Variants in LDB2 observed in about 807,000 individuals in gnomAD.
LDB2 encodes LIM domain binding 2, also known as LIM domain-binding protein 2.
A neutral mutation model predicts 44.3 loss-of-function variants in LDB2; 12 were observed. The observed-to-expected ratio is 0.27, with a 90% CI of 0.17 to 0.44. The LOEUF is 0.44. Ranked by LOEUF, LDB2 falls within the 20% of genes least tolerant of loss-of-function variation. LDB2 has a pLI of 1.00. For synonymous variants in LDB2, 164 were observed against 174.8 expected, an observed-to-expected ratio of 0.94 and a Z score of 0.49; for missense variants, 344 against 473.5, an observed-to-expected ratio of 0.73 and a Z score of 2.54.
At chr4:16,891,052 G>T (rs1247718903) in intron 1 of LDB2, among the ~76,000 whole-genome samples, 5 of 151,914 alleles carry the variant, frequency 3.3e-5, no homozygotes, top group African/African-American at 1.2e-4. Flanking sequence ...TACCCAATTT[G>T]AATTGTAATT....
At chr4:16,759,577 G>A (rs1767433671) in intron 1 of LDB2, among the ~76,000 whole-genome samples, 1 of 152,186 alleles carries the variant, frequency 6.6e-6, no homozygotes, top group Non-Finnish European at 1.5e-5. Context: ...TGCATTTAAT[G>A]TAAAATACAC....
chr4:16,873,995 T>C (rs1022545911), intron 1 of LDB2, among the ~76,000 whole-genome samples: 10 of 152,172 alleles, frequency 6.6e-5, no homozygotes, highest in African/African-American at 2.2e-4. Context: ...CCAAATTTCA[T>C]CCTTTTATGG....
At chr4:16,796,610 T>C (rs1371478383) in intron 1 of LDB2, among the ~76,000 whole-genome samples, 1 of 152,104 alleles carries the variant, frequency 6.6e-6, no homozygotes, top group African/African-American at 2.4e-5. Context: ...CCCCTTAAGC[T>C]TGGGCTTGGG....
In LDB2 at chr4:16,502,958, T is replaced by A. The variant is rs1282950751; in HGVS notation, c.892-85A>T. ...AATAACAGTGGGAGGAGTCGGGGAATCTAGGACAGACACACTCGTGTACTG... is the reference window on the plus strand; with the variant it reads ...AATAACAGTGGGAGGAGTCGGGGAAACTAGGACAGACACACTCGTGTACTG... On this transcript the variant is annotated intron_variant, in intron 7 of 7. Transcript: ENST00000304523. 1.5e-5 allele frequency: 24 copies of A among 1,603,100 alleles called. No homozygotes were observed. The South Asian group carries it at 2.6e-4, about 18-fold the overall frequency.
At chr4:16,795,527 A>T (rs1776576761) in intron 1 of LDB2, among the ~76,000 whole-genome samples, 1 of 152,126 alleles carries the variant, frequency 6.6e-6, no homozygotes, top group African/African-American at 2.4e-5. Flanking sequence ...AAGGAGAGAG[A>T]TACTTCCTTA....
At chr4:16,635,411 C>T (rs984095568) in intron 2 of LDB2, among the ~76,000 whole-genome samples, 2 of 152,066 alleles carry the variant, frequency 1.3e-5, no homozygotes, top group African/African-American at 2.4e-5. Flanking sequence ...GCTTGAGTCC[C>T]GTGTTGAGAA....
At chr4:16,603,408 G>A (rs143218166) in intron 2 of LDB2, among the ~76,000 whole-genome samples, 24 of 152,228 alleles carry the variant, frequency 1.6e-4, no homozygotes, top group Admixed American at 3.9e-4. Context: ...GAGTGGTCCC[G>A]GCAGAAGCAA....
At chr4:16,516,012 C>T (rs974400635) in intron 5 of LDB2, among the ~76,000 whole-genome samples, 5 of 152,126 alleles carry the variant, frequency 3.3e-5, no homozygotes, top group East Asian at 3.9e-4. Flanking sequence ...TACAGGCGCC[C>T]GCCACCACGC....
chr4:16,707,375 C>G (rs1053788350), intron 2 of LDB2, among the ~76,000 whole-genome samples: 2 of 152,044 alleles, frequency 1.3e-5, no homozygotes, highest in Non-Finnish European at 1.5e-5. Flanking sequence ...AGAAAAACCC[C>G]TATAATTAAA....
intron 2 of LDB2, among the ~76,000 whole-genome samples, chr4:16,649,457 C>T (rs1015699821): frequency 6.6e-6 from 1 of 152,202 alleles, no homozygotes; most frequent in African/African-American, 2.4e-5. Context: ...ATTTTTCTTA[C>T]ACAAAGCAGC....
chr4:16,800,539 G>GTT (rs780829278), intron 1 of LDB2, among the ~76,000 whole-genome samples: 15 of 151,870 alleles, frequency 9.9e-5, no homozygotes, highest in Non-Finnish European at 1.9e-4. Context: ...TCCGTTGACA[G>GTT]TTTGTCATTT....
intron 2 of LDB2, among the ~76,000 whole-genome samples, chr4:16,692,463 G>A (rs922732477): frequency 2.0e-5 from 3 of 152,082 alleles, no homozygotes; most frequent in Non-Finnish European, 2.9e-5. Context: ...ACTTCACCTT[G>A]GAAAGTAGCG....
At chr4:16,649,675 A>G (rs1737738879) in intron 2 of LDB2, among the ~76,000 whole-genome samples, 1 of 152,202 alleles carries the variant, frequency 6.6e-6, no homozygotes. Context: ...GGGGATGCCA[A>G]TGACTGTGCC....
chr4:16,742,541 G>A (rs1232255117), intron 2 of LDB2, among the ~76,000 whole-genome samples: 2 of 152,176 alleles, frequency 1.3e-5, no homozygotes, highest in African/African-American at 4.8e-5. Context: ...GGAATTCTCT[G>A]TCAGAAATGG....
At chr4:16,755,932 C>T (rs1254606201) in intron 2 of LDB2, among the ~76,000 whole-genome samples, 2 of 152,130 alleles carry the variant, frequency 1.3e-5, no homozygotes, top group Non-Finnish European at 2.9e-5. Flanking sequence ...ACCACCTGTT[C>T]CCTAAGAAAA....
chr4:16,811,212 A>G (rs1377856582), intron 1 of LDB2, among the ~76,000 whole-genome samples: 2 of 152,228 alleles, frequency 1.3e-5, no homozygotes, highest in African/African-American at 4.8e-5. Context: ...CCTTCAGGGT[A>G]TCTGGGTTTA....
intron 1 of LDB2, among the ~76,000 whole-genome samples, chr4:16,873,120 C>T (rs1279507490): frequency 6.6e-6 from 1 of 152,120 alleles, no homozygotes; most frequent in Non-Finnish European, 1.5e-5. Flanking sequence ...AACAGCTGAG[C>T]ACCCTGGGAA....
intron 1 of LDB2, among the ~76,000 whole-genome samples, chr4:16,766,485 T>TGTGG (rs1769285253): frequency 7.6e-6 from 1 of 131,008 alleles, no homozygotes; most frequent in African/African-American, 3.1e-5. Context: ...TGTGTGTGTG[T>TGTGG]GTGTGTGTGT....
rs1393487741 is a variant in LDB2 at position 16,533,957 on chromosome 4, A to AT, written c.616-21854dup. ...TCTAAACCACATTCATAATAATATA[A>AT]TTAGCAATACAATTCATACCATACA... On this transcript the variant is annotated intron_variant, in intron 5 of 7. Transcript: ENST00000304523. The surrounding 1 kb of genome is among the most constrained non-coding windows in gnomAD (Gnocchi z 4.1). Among the ~76,000 whole-genome samples the AT allele has an allele frequency of 1.3e-5, 2 of 152,166 alleles. No individual in the cohort carries two copies. Among genetic ancestry groups the AT allele is most frequent in the Non-Finnish European group, 2.9e-5 (2 of 68,028 alleles).
Sources: allele counts gnomAD v4.1 joint callset (sites outside exome capture counted in the v4.1 genomes callset), GRCh38; gene constraint gnomAD v4.1.1; non-coding constraint Gnocchi (gnomAD v3.1); transcripts MANE v1.5; gene names NCBI Gene and HGNC (gene_info 2026-07-23, HGNC 2026-07-21).